PDGFD: variants seen among roughly 807,000 people sequenced by gnomAD.
PDGFD encodes the protein platelet derived growth factor D.
In PDGFD, 30 loss-of-function variants were observed where a neutral mutation model predicts 44.7. The observed-to-expected ratio is 0.67, with a 90% confidence interval of 0.50 to 0.91. The LOEUF is 0.91. PDGFD is among the 40% of genes least tolerant of loss of function. PDGFD has a pLI of 0.00. For synonymous variants in PDGFD, 173 were observed against 168.4 expected (o/e 1.03, Z -0.21); for missense variants, 445 against 457.8 (o/e 0.97, Z 0.25).
chr11:104,007,747 C>T (rs925896776), intron 1 of PDGFD, among the ~76,000 whole-genome samples: 7 of 152,142 alleles, frequency 4.6e-5, no homozygotes, highest in Admixed American at 1.3e-4. Context: ...TTTCATGATC[C>T]TATAATATGT....
intron 1 of PDGFD, among the ~76,000 whole-genome samples, chr11:104,013,087 T>C (rs1424495104): frequency 1.3e-5 from 2 of 152,176 alleles, no homozygotes; most frequent in African/African-American, 4.8e-5. Context: ...CAGAGCAGTA[T>C]GGCAGAGAAG....
At chr11:103,947,127 G>C (rs1407986231) in intron 4 of PDGFD, among the ~76,000 whole-genome samples, 1 of 152,200 alleles carries the variant, frequency 6.6e-6, no homozygotes, top group Non-Finnish European at 1.5e-5. Context: ...TAAGTTTAGA[G>C]AAAAACTGGA....
intron 1 of PDGFD, chr11:104,037,588 A>G (rs900605948): frequency 6.2e-7 from 1 of 1,613,902 alleles, no homozygotes; most frequent in Non-Finnish European, 8.5e-7. Flanking sequence ...GCATCCTTTG[A>G]AGGCTTTTGT....
At chr11:103,986,853 C>T (rs73602315) in intron 3 of PDGFD, among the ~76,000 whole-genome samples, 3,712 of 152,254 alleles carry the variant, frequency 0.024, 164 homozygotes, top group African/African-American at 0.085. Flanking sequence ...AATTGCTCCT[C>T]GGGATAACAT....
intron 1 of PDGFD, among the ~76,000 whole-genome samples, chr11:104,002,194 G>A (rs145840494): frequency 3.9e-5 from 6 of 152,252 alleles, no homozygotes; most frequent in African/African-American, 1.4e-4. Flanking sequence ...GATCAGCTGC[G>A]AAAACTGGTG....
intron 3 of PDGFD, among the ~76,000 whole-genome samples, chr11:103,991,708 A>G (rs1183139763): frequency 6.6e-6 from 1 of 152,248 alleles, no homozygotes; most frequent in East Asian, 1.9e-4. Context: ...TACCTGATAT[A>G]TTAATAATAT....
intron 3 of PDGFD, among the ~76,000 whole-genome samples, chr11:103,987,544 A>G (rs1859387128): frequency 6.6e-6 from 1 of 152,166 alleles, no homozygotes; most frequent in Non-Finnish European, 1.5e-5. Context: ...CTGAATTTGC[A>G]TCATAGTTGT....
At chr11:103,950,698 G>A (rs1031769019) in intron 3 of PDGFD, among the ~76,000 whole-genome samples, 3 of 152,168 alleles carry the variant, frequency 2.0e-5, no homozygotes, top group Non-Finnish European at 4.4e-5. Flanking sequence ...TAGAAACTGT[G>A]TGGTTGGTGA....
chr11:103,997,652 C>T (rs534772911), intron 2 of PDGFD, among the ~76,000 whole-genome samples: 2 of 152,254 alleles, frequency 1.3e-5, no homozygotes, highest in African/African-American at 4.8e-5. Flanking sequence ...ACAATGTAAA[C>T]ATCAAGGAGG....
chr11:103,994,114 T>C (rs1269905321), intron 3 of PDGFD, among the ~76,000 whole-genome samples: 1 of 152,232 alleles, frequency 6.6e-6, no homozygotes, highest in Non-Finnish European at 1.5e-5. Context: ...CCCTTAAAAC[T>C]GTATTCCTAC....
At chr11:104,043,214 G>C (rs1860387986) in intron 1 of PDGFD, among the ~76,000 whole-genome samples, 1 of 152,146 alleles carries the variant, frequency 6.6e-6, no homozygotes. Context: ...AATACAACAA[G>C]GAAGGATCTA....
intron 1 of PDGFD, among the ~76,000 whole-genome samples, chr11:104,016,967 T>A (rs260847): frequency 0.11 from 16,175 of 152,206 alleles, 992 homozygotes; most frequent in African/African-American, 0.15. Flanking sequence ...AATGTTTGTG[T>A]CCCCTCCAAA....
intron 1 of PDGFD, among the ~76,000 whole-genome samples, chr11:104,124,717 A>C (rs1376753830): frequency 6.6e-6 from 1 of 152,080 alleles, no homozygotes; most frequent in Non-Finnish European, 1.5e-5. Flanking sequence ...TCTAAACCCT[A>C]CTGTTTCCTA....
intron 1 of PDGFD, among the ~76,000 whole-genome samples, chr11:104,051,052 T>C (rs1028564330): frequency 2.0e-5 from 3 of 152,048 alleles, no homozygotes; most frequent in African/African-American, 7.2e-5. Context: ...CAAAACAGTT[T>C]ATAGATTATA....
At chr11:104,127,866 C>A (rs889900691) in intron 1 of PDGFD, among the ~76,000 whole-genome samples, 1 of 152,180 alleles carries the variant, frequency 6.6e-6, no homozygotes, top group African/African-American at 2.4e-5. Context: ...GCTGACAGCA[C>A]TGCCATTTAG....
chr11:103,983,262 AC>A (rs1859301567), intron 3 of PDGFD, among the ~76,000 whole-genome samples: 1 of 151,522 alleles, frequency 6.6e-6, no homozygotes, highest in Admixed American at 6.6e-5. Context: ...ACAAAATAAG[AC>A]CACTCACCTA....
chr11:104,161,034 C>T (rs1375926151), intron 1 of PDGFD, among the ~76,000 whole-genome samples: 1 of 152,130 alleles, frequency 6.6e-6, no homozygotes, highest in Non-Finnish European at 1.5e-5. Flanking sequence ...GGACACCCGG[C>T]TTTTTTGCTC....
At chr11:104,140,773 T>A (rs1862072862) in intron 1 of PDGFD, among the ~76,000 whole-genome samples, 1 of 151,100 alleles carries the variant, frequency 6.6e-6, no homozygotes, top group East Asian at 2.0e-4. Flanking sequence ...CTATTGCTAA[T>A]GTCCTAACCT....
rs76775845 is a variant in PDGFD at position 103,998,488 on chromosome 11, G to A, written c.329+1563C>T. Among the ~76,000 whole-genome samples, 836 of 152,114 alleles carry A rather than the reference G, an allele frequency of 5.5e-3. 7 individuals are homozygous for A. The highest frequency in any genetic ancestry group is 0.019 in the African/African-American group (794 of 41,476). ...GCTGGTGAATACATCCAGGTGTTTC[G>A]AAGGTTGCAAACCCAGAGAAAGCAC... On this transcript the variant is annotated intron_variant, in intron 2 of 6. Coordinates refer to ENST00000393158, the MANE Select transcript of PDGFD (RefSeq NM_025208.5).
Sources: gnomAD v4.1 joint callset for allele counts (sites outside exome capture counted in the v4.1 genomes callset) on GRCh38, gnomAD v4.1.1 for gene constraint, MANE v1.5 for transcripts, NCBI Gene and HGNC (gene_info 2026-07-23, HGNC 2026-07-21) for gene names.